CACNA1E: variants seen among roughly 807,000 people sequenced by gnomAD.
CACNA1E encodes the protein voltage-dependent R-type calcium channel subunit alpha-1E.
A neutral mutation model predicts 259.2 loss-of-function variants in CACNA1E; 40 were observed. The ratio of observed to expected loss-of-function variants is 0.15; its 90% CI spans 0.12 to 0.20. CACNA1E has a LOEUF of 0.20. Ranked by LOEUF, CACNA1E falls within the 10% of genes least tolerant of loss-of-function variation. The pLI, the probability that CACNA1E is intolerant of heterozygous loss-of-function variation, is 1.00. For missense variants in CACNA1E, 1,874 were observed against 3,040.1 expected (o/e 0.62, Z 9.02); for synonymous variants, 1,104 against 1,138.5 (o/e 0.97, Z 0.61).
In CACNA1E at chr1:181,328,976, C is replaced by G. The variant is rs1425310024; in HGVS notation, c.-15+10853C>G. 2.0e-5 allele frequency among the ~76,000 whole-genome samples: 3 copies of G among 152,320 alleles called. No individual in the cohort carries two copies. The East Asian group carries it at 5.8e-4, about 29-fold the overall frequency. Reference sequence around the variant, plus strand: ...GACCTCTCTCCTAAGCTCTAGACCTCTATAGTCAATGGCTTTCTTAATCTT... The same window carrying G: ...GACCTCTCTCCTAAGCTCTAGACCTGTATAGTCAATGGCTTTCTTAATCTT... On this transcript the variant is annotated intron_variant, in intron 1 of 11. Transcript: ENST00000524607.
chr1:181,482,461 C>T (rs931331953), upstream of CACNA1E, among the ~76,000 whole-genome samples: 1 of 152,252 alleles, frequency 6.6e-6, no homozygotes, highest in Non-Finnish European at 1.5e-5. Context: ...CTTCACTGGA[C>T]CTTTGCAGAG....
chr1:181,577,760 C>G lies in CACNA1E; in HGVS notation c.513-6C>G. 6.3e-7 allele frequency: 1 copy of G among 1,592,528 alleles called. No homozygotes were observed. The highest frequency in any genetic ancestry group is 8.6e-7 in the Non-Finnish European group (1 of 1,166,102). On this transcript the variant is annotated splice_region_variant and splice_polypyrimidine_tract_variant and intron_variant, in intron 3 of 47. Transcript: ENST00000367573. ...AACCTTGACCCTTCTGTGTCTCTGT[C>G]TGCAGCATCCTGGCCACTGCAGGAA...
At chr1:181,409,700 G>A (rs1417946557) in intron 1 of CACNA1E, among the ~76,000 whole-genome samples, 2 of 152,132 alleles carry the variant, frequency 1.3e-5, no homozygotes, top group African/African-American at 4.8e-5. Context: ...AGCCAGAACT[G>A]GGGACTGATC....
At chr1:181,341,862 C>T (rs1652178979) in intron 1 of CACNA1E, among the ~76,000 whole-genome samples, 1 of 152,198 alleles carries the variant, frequency 6.6e-6, no homozygotes, top group Non-Finnish European at 1.5e-5. Context: ...TGAATGCTCA[C>T]TCTGCATCTG....
chr1:181,429,842 T>A (rs1659587750), intron 2 of CACNA1E, among the ~76,000 whole-genome samples: 2 of 152,208 alleles, frequency 1.3e-5, no homozygotes, highest in East Asian at 3.9e-4. Context: ...GGTGAAGTTT[T>A]AACAGGAAGA....
At chr1:181,585,093 T>G (rs910023444) in intron 6 of CACNA1E, among the ~76,000 whole-genome samples, 4 of 152,080 alleles carry the variant, frequency 2.6e-5, no homozygotes, top group Non-Finnish European at 5.9e-5. Flanking sequence ...GTAATATAGG[T>G]GATGCTTGGA....
chr1:181,422,426 T>C (rs555437694), intron 2 of CACNA1E, among the ~76,000 whole-genome samples: 10 of 152,254 alleles, frequency 6.6e-5, no homozygotes, highest in African/African-American at 1.9e-4. Context: ...TACCAAACGG[T>C]CTAGTCCAGG....
At position 181,793,750 on chromosome 1, in the gene CACNA1E, C is replaced by A. The variant is rs1661536827; in HGVS notation, c.5984C>A (p.Ser1995Tyr). The stretch of plus-strand genomic sequence containing the variant: ...TCGGACACCCAGGAGCATGCGGGAT[C>A]TGGGAGGGCATCTTCTATGCCACGT... ...LPSDTQEHAGSGRASSMPRLT... is the reference protein window; with the variant it reads ...LPSDTQEHAGYGRASSMPRLT... The change falls in exon 45 of 48, where the codon TCT (serine) becomes TAT (tyrosine). Residue 1995 changes from serine to tyrosine, a missense_variant. This residue lies in a region of CACNA1E where 542 missense variants were observed against 587.2 expected (regional missense o/e 0.92). Transcript: ENST00000367573. The A allele has an allele frequency of 1.9e-6, 3 of 1,611,804 alleles. No homozygotes were observed. Among genetic ancestry groups the A allele is most frequent in the Non-Finnish European group, 2.5e-6 (3 of 1,179,466 alleles).
chr1:181,771,094 G>T (rs1421676278), intron 35 of CACNA1E, among the ~76,000 whole-genome samples, 199 bp from the exon 36 acceptor site: 1 of 152,162 alleles, frequency 6.6e-6, no homozygotes, highest in African/African-American at 2.4e-5. Flanking sequence ...CCCCTTTGCT[G>T]CACTAGAGCA....
chr1:181,323,410 T>G (rs1650521668), intron 1 of CACNA1E, among the ~76,000 whole-genome samples: 1 of 152,208 alleles, frequency 6.6e-6, no homozygotes, highest in Admixed American at 6.5e-5. Flanking sequence ...GGTCTCCACT[T>G]ATTAATACAC....
At chr1:181,777,311 T>C (rs973432259) in intron 38 of CACNA1E, among the ~76,000 whole-genome samples, 1 of 152,138 alleles carries the variant, frequency 6.6e-6, no homozygotes, top group Non-Finnish European at 1.5e-5. Flanking sequence ...CTACAAGAAA[T>C]GTTATCCTTT....
chr1:181,671,404 A>G (rs1250380432), intron 7 of CACNA1E, among the ~76,000 whole-genome samples: 4 of 152,254 alleles, frequency 2.6e-5, no homozygotes, highest in African/African-American at 7.2e-5. Context: ...CCTTGCTCTT[A>G]TGAACTTTAT....
chr1:181,335,449 T>C (rs1246697562), intron 1 of CACNA1E, among the ~76,000 whole-genome samples: 1 of 152,218 alleles, frequency 6.6e-6, no homozygotes, highest in East Asian at 1.9e-4. Flanking sequence ...TTTCCTTAAA[T>C]GCTAAGCTTT....
rs1161401742 is a variant in CACNA1E, at chr1:181,798,867, C to G, written c.*33C>G. On this transcript the variant is annotated 3_prime_UTR_variant, in exon 48 of 48. Coordinates refer to ENST00000367573, the MANE Select transcript of CACNA1E (RefSeq NM_001205293.3). The surrounding 1 kb of genome is among the most constrained non-coding windows in gnomAD (Gnocchi z 4.2). ...TCCCCCCTCCGATGCATGCTCTTCT[C>G]TCACATGGAGAAAACCAAGACAGAA... 2.0e-6 allele frequency: 3 copies of G among 1,474,418 alleles called. No individual in the cohort carries two copies. Among genetic ancestry groups the G allele is most frequent in the Admixed American group, 4.7e-5 (2 of 42,986 alleles). 91.3% of individuals were successfully genotyped at this position (1,474,418 alleles called of 1,614,324 possible). A position where few individuals can be genotyped will look rare whatever the true frequency, so the allele number is the denominator to read the frequency against.
intron 2 of CACNA1E, among the ~76,000 whole-genome samples, chr1:181,416,339 T>A (rs1658275460): frequency 6.6e-6 from 1 of 152,258 alleles, no homozygotes; most frequent in Non-Finnish European, 1.5e-5. Context: ...GTTTCTTTTC[T>A]TATCTGCCAT....
intron 1 of CACNA1E, among the ~76,000 whole-genome samples, chr1:181,337,462 A>G (rs1651802578): frequency 6.6e-6 from 1 of 152,058 alleles, no homozygotes; most frequent in South Asian, 2.1e-4. Flanking sequence ...AGATCTGTAG[A>G]TGTGTTCATC....
intron 1 of CACNA1E, among the ~76,000 whole-genome samples, chr1:181,385,762 CCT>C (rs1468300319): frequency 2.0e-5 from 3 of 151,790 alleles, no homozygotes; most frequent in African/African-American, 4.8e-5. Flanking sequence ...TTCCTCCTCT[CCT>C]CTCTTACTTC....
intron 6 of CACNA1E, among the ~76,000 whole-genome samples, chr1:181,634,815 G>A (rs994079523): frequency 6.6e-6 from 1 of 152,110 alleles, no homozygotes. Context: ...TCCTACTCCA[G>A]GTATGTCCCC....
At chr1:181,700,682 T>C (rs1652157753) in intron 7 of CACNA1E, among the ~76,000 whole-genome samples, 1 of 152,188 alleles carries the variant, frequency 6.6e-6, no homozygotes, top group Non-Finnish European at 1.5e-5. Flanking sequence ...TAGAACTAAG[T>C]CTGAGAGACT....
Sources: allele counts gnomAD v4.1 joint callset (sites outside exome capture counted in the v4.1 genomes callset), GRCh38; gene constraint gnomAD v4.1.1; regional missense constraint gnomAD v4.1.1; non-coding constraint Gnocchi (gnomAD v3.1); transcripts MANE v1.5; gene names NCBI Gene and HGNC (gene_info 2026-07-23, HGNC 2026-07-21).